The following CA5A variants were observed in gnomAD, a reference collection of about 807,000 sequenced individuals.
CA5A encodes the protein carbonic anhydrase 5A, also known as carbonic anhydrase 5A, mitochondrial.
Under a neutral mutation model 37.1 loss-of-function variants are expected in CA5A, and 28 were observed. The observed-to-expected ratio is 0.75, with a 90% CI of 0.56 to 1.03. The LOEUF is 1.03. CA5A is among the 50% of genes least tolerant of loss of function. The pLI is 0.00. For missense variants in CA5A, 444 were observed against 399.9 expected, an observed-to-expected ratio of 1.11 and a Z score of -0.94; for synonymous variants, 171 against 158.4, an observed-to-expected ratio of 1.08 and a Z score of -0.60.
chr16:87,936,054 C>T (rs1402771870), intron 1 of CA5A, among the ~76,000 whole-genome samples: 3 of 151,696 alleles, frequency 2.0e-5, no homozygotes, highest in African/African-American at 7.3e-5. Flanking sequence ...CACCTATAGT[C>T]CCAGCTACTC....
At chr16:87,883,581 C>T (rs1426360461), downstream of CA5A, 2 of 151,816 alleles carry the variant, frequency 1.3e-5, no homozygotes, top group Admixed American at 6.6e-5. Flanking sequence ...CTACCTGCCT[C>T]AGCCTTCCAA....
chr16:87,930,932 G>T (rs186183850), intron 1 of CA5A, among the ~76,000 whole-genome samples: 1 of 151,924 alleles, frequency 6.6e-6, no homozygotes, highest in Admixed American at 6.6e-5. Flanking sequence ...GTAGAGACGG[G>T]GTTTCACCGT....
chr16:87,934,329 G>A (rs1340674355), intron 1 of CA5A, among the ~76,000 whole-genome samples: 1 of 152,270 alleles, frequency 6.6e-6, no homozygotes, highest in Non-Finnish European at 1.5e-5. Flanking sequence ...AGCACTTTGG[G>A]AGGCTGAGGC....
At chr16:87,909,056 C>T (rs2056009197) in intron 2 of CA5A, among the ~76,000 whole-genome samples, 1 of 150,342 alleles carries the variant, frequency 6.7e-6, no homozygotes, top group Non-Finnish European at 1.5e-5. Flanking sequence ...TGATCTCGAT[C>T]TCCTGACCTC....
rs1228284717 is a variant in CA5A, at chr16:87,924,291, A to C, written c.340+2457T>G. 6.1e-6 allele frequency: 6 copies of C among 985,352 alleles called. No homozygotes were observed. The African/African-American group carries it at 7.0e-5, about 11-fold the overall frequency. 61.0% of individuals were successfully genotyped at this position (985,352 alleles called of 1,614,324 possible). A position where few individuals can be genotyped will look rare whatever the true frequency, so the allele number is the denominator to read the frequency against. ...GGGTTGCAGTGGAGCCTGATGAAGC[A>C]ACCGTGAATGGCACTGAGCATACAG... On this transcript the variant is annotated intron_variant, in intron 2 of 6. Transcript: ENST00000649794.
chr16:87,927,850 C>T (rs1438919279), intron 1 of CA5A, among the ~76,000 whole-genome samples: 1 of 138,578 alleles, frequency 7.2e-6, no homozygotes, highest in Non-Finnish European at 1.5e-5. Flanking sequence ...GACAGAGACT[C>T]TGCCTCAAAA....
intron 2 of CA5A, among the ~76,000 whole-genome samples, chr16:87,914,077 C>G (rs1379878219): frequency 6.6e-6 from 1 of 152,248 alleles, no homozygotes; most frequent in Non-Finnish European, 1.5e-5. Context: ...TGGGAAGGGT[C>G]TGGGACCCAG....
Position 87,902,454 on chromosome 16 carries a change from C to A in CA5A, c.526G>T (p.Gly176Cys). 1 of 1,612,498 alleles carries A rather than the reference C, an allele frequency of 6.2e-7. No homozygotes were observed. Among genetic ancestry groups the A allele is most frequent in the Non-Finnish European group, 8.5e-7 (1 of 1,178,586 alleles). Residue 176 changes from glycine to cysteine, a missense_variant, in exon 4 of 7, where the codon GGT becomes TGT. Coordinates refer to ENST00000649794, the MANE Select transcript of CA5A (RefSeq NM_001739.2). ...AAAAACACGCCTATCACAGCCAAAC[C>A]ATTCTCTCCCACGACAGCTTCCTTG... ...NYKEAVVGEN[G>C]LAVIGVFLKL...
Position 87,904,840 on chromosome 16 carries a change from T to C in CA5A, c.405A>G (p.Ala135=), listed in dbSNP as rs557991783. 1 of 1,613,744 alleles carries C rather than the reference T, an allele frequency of 6.2e-7. No homozygotes were observed. The highest frequency in any genetic ancestry group is 1.1e-5 in the South Asian group (1 of 91,072). Residue 135 remains alanine, a synonymous_variant, in exon 3 of 7, where the codon GCA becomes GCG. Transcript: ENST00000649794. The part of the protein sequence containing the change: ...RLKQFHFHWG[A]VNEGGSEHTV... ...TGTGCTCTGAGCCCCCCTCGTTCAC[T>C]GCTCCCCAGTGGAAGTGAAATTGCT...
intron 2 of CA5A, among the ~76,000 whole-genome samples, chr16:87,915,488 A>G (rs1409482199): frequency 6.8e-6 from 1 of 147,882 alleles, no homozygotes; most frequent in East Asian, 2.0e-4. Context: ...GCCCAGATGC[A>G]CTTCAGCTTG....
At chr16:87,897,750 GCT>G (rs1328452802) in intron 5 of CA5A, among the ~76,000 whole-genome samples, 1 of 152,234 alleles carries the variant, frequency 6.6e-6, no homozygotes, top group Non-Finnish European at 1.5e-5. Context: ...CCAGCTGTGT[GCT>G]CGGGCAAGGC....
chr16:87,902,094 C>A, intron 4 of CA5A, 120 bp from the exon 5 acceptor site: 1 of 895,976 alleles, frequency 1.1e-6, no homozygotes, highest in Non-Finnish European at 1.8e-6. Flanking sequence ...TGGCTCATGC[C>A]TGTGATCCTA....
At chr16:87,927,680 G>A (rs2144076157) in intron 1 of CA5A, among the ~76,000 whole-genome samples, 1 of 152,120 alleles carries the variant, frequency 6.6e-6, no homozygotes, top group African/African-American at 2.4e-5. Flanking sequence ...GACCAACATG[G>A]CAAAACCCCA....
intron 1 of CA5A, among the ~76,000 whole-genome samples, chr16:87,932,853 T>C (rs2056425952): frequency 6.6e-6 from 1 of 152,178 alleles, no homozygotes; most frequent in South Asian, 2.1e-4. Flanking sequence ...TGGGAGGAGC[T>C]ATCCCCTCCC....
chr16:87,922,511 G>C (rs531881910), intron 2 of CA5A, among the ~76,000 whole-genome samples: 76 of 152,352 alleles, frequency 5.0e-4, no homozygotes, highest in Non-Finnish European at 9.3e-4. Context: ...AAAATGACAA[G>C]TGTGCCCTTA....
chr16:87,923,316 G>C (rs1422048136), intron 2 of CA5A, among the ~76,000 whole-genome samples: 5 of 152,126 alleles, frequency 3.3e-5, no homozygotes, highest in African/African-American at 1.2e-4. Context: ...AGTCCCCCGA[G>C]GAACTGGAAC....
intron 2 of CA5A, among the ~76,000 whole-genome samples, chr16:87,910,369 G>A (rs2056033250): frequency 6.6e-6 from 1 of 152,182 alleles, no homozygotes; most frequent in Non-Finnish European, 1.5e-5. Context: ...GCCCTACAGA[G>A]CAGGTCCTGT....
intron 2 of CA5A, among the ~76,000 whole-genome samples, chr16:87,919,504 A>G (rs1045282573): frequency 6.6e-6 from 1 of 152,126 alleles, no homozygotes; most frequent in Non-Finnish European, 1.5e-5. Flanking sequence ...CCTTCGCCCC[A>G]TCAGGGAACC....
intron 5 of CA5A, among the ~76,000 whole-genome samples, chr16:87,894,779 T>G (rs952813011): frequency 2.0e-5 from 3 of 151,904 alleles, no homozygotes; most frequent in African/African-American, 7.3e-5. Context: ...CTCGGGAGAC[T>G]GAGACACAGG....
Sources: allele counts gnomAD v4.1 joint callset (sites outside exome capture counted in the v4.1 genomes callset), GRCh38; gene constraint gnomAD v4.1.1; transcripts MANE v1.5; gene names NCBI Gene and HGNC (gene_info 2026-07-23, HGNC 2026-07-21).